The following PAPPA2 variants were observed in gnomAD, a reference collection of about 807,000 sequenced individuals.
PAPPA2 encodes the protein pappalysin-2.
A neutral mutation model predicts 176.4 loss-of-function variants in PAPPA2; 86 were observed. The observed-to-expected ratio is 0.49, with a 90% CI of 0.41 to 0.58. PAPPA2 has a LOEUF of 0.58. Ranked by LOEUF, PAPPA2 falls within the 20% of genes least tolerant of loss-of-function variation. PAPPA2 has a pLI of 0.00. For synonymous variants in PAPPA2, 809 were observed against 852.2 expected (o/e 0.95, Z 0.88); for missense variants, 2,073 against 2,256.9 (o/e 0.92, Z 1.65).
chr1:176,490,551 T>A (rs544795538), intron 1 of PAPPA2, among the ~76,000 whole-genome samples: 1 of 152,296 alleles, frequency 6.6e-6, no homozygotes, highest in African/African-American at 2.4e-5. Flanking sequence ...TGGCATACTT[T>A]GGTCCTAGGT....
intron 1 of PAPPA2, among the ~76,000 whole-genome samples, chr1:176,473,396 CT>C (rs1212129183): frequency 2.0e-5 from 3 of 151,954 alleles, no homozygotes; most frequent in Non-Finnish European, 2.9e-5. Context: ...GAATAATATC[CT>C]CTTGTCTGGA....
rs1353987943 is a variant in PAPPA2 at position 176,789,805 on chromosome 1, T to A, written c.4716-4T>A. Reference sequence around the variant, plus strand: ...TGAGCTATTTTTGTTTTATGTTTTATCAGCAAGCTCCTGAAGATACAATGC... The same window carrying A: ...TGAGCTATTTTTGTTTTATGTTTTAACAGCAAGCTCCTGAAGATACAATGC... On this transcript the variant is annotated splice_polypyrimidine_tract_variant and splice_region_variant and intron_variant, in intron 17 of 22. Transcript: ENST00000367662. 2 of 1,611,850 alleles carry A rather than the reference T, an allele frequency of 1.2e-6. No individual in the cohort carries two copies. The highest frequency in any genetic ancestry group is 1.7e-6 in the Non-Finnish European group (2 of 1,178,894).
chr1:176,789,698 C>A, intron 17 of PAPPA2, 111 bp from the exon 18 acceptor site: 1 of 1,212,728 alleles, frequency 8.2e-7, no homozygotes, highest in Non-Finnish European at 1.2e-6. Context: ...CTCACAAGAA[C>A]CATCTGTCCC....
chr1:176,742,943 T>C (rs767222726), intron 14 of PAPPA2, among the ~76,000 whole-genome samples: 9 of 152,122 alleles, frequency 5.9e-5, no homozygotes, highest in Non-Finnish European at 1.2e-4. Flanking sequence ...CCATCCCTCC[T>C]GCAACACTAC....
chr1:176,581,260 T>A (rs558761610), intron 2 of PAPPA2, among the ~76,000 whole-genome samples: 1 of 152,306 alleles, frequency 6.6e-6, no homozygotes, highest in South Asian at 2.1e-4. Context: ...TAGTCAAAAA[T>A]CAGTTGTTGT....
chr1:176,676,744 A>G (rs1475669324), intron 4 of PAPPA2, among the ~76,000 whole-genome samples: 1 of 152,142 alleles, frequency 6.6e-6, no homozygotes, highest in Non-Finnish European at 1.5e-5. Context: ...ACACACACAC[A>G]CACACACACA....
intron 17 of PAPPA2, among the ~76,000 whole-genome samples, chr1:176,781,589 A>G (rs1283434550): frequency 6.6e-6 from 1 of 151,848 alleles, no homozygotes; most frequent in Admixed American, 6.6e-5. Flanking sequence ...TGGCTTGGGA[A>G]ACCAGGCCTG....
intron 3 of PAPPA2, among the ~76,000 whole-genome samples, chr1:176,609,665 A>G (rs1347443927): frequency 2.6e-5 from 4 of 152,186 alleles, no homozygotes; most frequent in Admixed American, 6.5e-5. Flanking sequence ...GACAGGAGAC[A>G]TAGAGCCCAT....
rs749281534 is a variant in PAPPA2 at position 176,695,873 on chromosome 1, A to T, written c.2746+14A>T. 2 of 1,613,164 alleles carry T rather than the reference A, an allele frequency of 1.2e-6. No individual in the cohort carries two copies. Among genetic ancestry groups the T allele is most frequent in the South Asian group, 2.2e-5 (2 of 91,014 alleles). ...AGGAGGCTGTGGGTAAAGTACCATGACATTTTTTCTTTATACCCTGGTGAC... is the reference window on the plus strand; with the variant it reads ...AGGAGGCTGTGGGTAAAGTACCATGTCATTTTTTCTTTATACCCTGGTGAC... On this transcript the variant is annotated intron_variant, in intron 7 of 22. Transcript: ENST00000367662.
At chr1:176,569,446 G>A (rs1017983691) in intron 2 of PAPPA2, among the ~76,000 whole-genome samples, 1 of 152,206 alleles carries the variant, frequency 6.6e-6, no homozygotes. Context: ...CCTCTCTAAA[G>A]ACTGATTTAG....
At chr1:176,656,949 A>T (rs1658069742) in intron 3 of PAPPA2, among the ~76,000 whole-genome samples, 1 of 151,814 alleles carries the variant, frequency 6.6e-6, no homozygotes, top group African/African-American at 2.4e-5. Context: ...GGTGAGGGGG[A>T]CATACTCATT....
At chr1:176,767,703 CTG>C (rs899742828) in intron 15 of PAPPA2, among the ~76,000 whole-genome samples, 3 of 152,260 alleles carry the variant, frequency 2.0e-5, no homozygotes, top group African/African-American at 7.2e-5. Context: ...GACTTGCAGG[CTG>C]TGTTAAGCAT....
intron 1 of PAPPA2, among the ~76,000 whole-genome samples, chr1:176,482,908 C>T (rs1297815612): frequency 6.6e-6 from 1 of 152,130 alleles, no homozygotes; most frequent in Non-Finnish European, 1.5e-5. Flanking sequence ...TTCAAACCTA[C>T]CCAACTACAT....
intron 3 of PAPPA2, among the ~76,000 whole-genome samples, chr1:176,596,546 C>T (rs7543989): frequency 0.16 from 24,319 of 152,182 alleles, 2,066 homozygotes; most frequent in Middle Eastern, 0.22. Context: ...ATTACTGTTA[C>T]ATCAACTAAT....
intron 17 of PAPPA2, among the ~76,000 whole-genome samples, chr1:176,780,740 G>T (rs78999819): frequency 0.032 from 4,833 of 152,050 alleles, 119 homozygotes; most frequent in Middle Eastern, 0.051. Context: ...CATATTCTCG[G>T]TGCTCAATAA....
chr1:176,710,242 A>C (rs1661084829), intron 11 of PAPPA2, 66 bp downstream of exon 11: 3 of 1,390,572 alleles, frequency 2.2e-6, no homozygotes, highest in Non-Finnish European at 3.0e-6. Context: ...CCCTATGCTT[A>C]CACTTGGGGT....
rs558293524 is a variant in PAPPA2 at position 176,477,609 on chromosome 1, G to T, written c.-917+14191G>T. On this transcript the variant is annotated intron_variant, in intron 1 of 22. Coordinates refer to ENST00000367662, the MANE Select transcript of PAPPA2 (RefSeq NM_020318.3). Reference sequence around the variant, plus strand: ...AAAATACAAAAATTAGCTGGGAGTGGTGGTGTGTGCCTGTAGTCCCAGCTA... The same window carrying T: ...AAAATACAAAAATTAGCTGGGAGTGTTGGTGTGTGCCTGTAGTCCCAGCTA... 3.3e-5 allele frequency among the ~76,000 whole-genome samples: 5 copies of T among 152,166 alleles called. No homozygotes were observed. The East Asian group carries it at 7.7e-4, about 24-fold the overall frequency.
At chr1:176,742,106 G>T (rs1376319189) in intron 14 of PAPPA2, among the ~76,000 whole-genome samples, 1 of 152,210 alleles carries the variant, frequency 6.6e-6, no homozygotes, top group Non-Finnish European at 1.5e-5. Context: ...CTCTGCAAAA[G>T]CAGCTGTCAC....
chr1:176,697,255 A>G (rs1660428590), intron 7 of PAPPA2, among the ~76,000 whole-genome samples: 1 of 152,198 alleles, frequency 6.6e-6, no homozygotes, highest in Admixed American at 6.5e-5. Flanking sequence ...ACATGAAGTC[A>G]TAATAAAAAC....
Sources: allele counts gnomAD v4.1 joint callset (sites outside exome capture counted in the v4.1 genomes callset), GRCh38; gene constraint gnomAD v4.1.1; transcripts MANE v1.5; gene names NCBI Gene and HGNC (gene_info 2026-07-23, HGNC 2026-07-21).